Variants in CACNA1D observed in about 807,000 individuals in gnomAD.
The protein encoded by CACNA1D is calcium voltage-gated channel subunit alpha1 D, also known as voltage-dependent L-type calcium channel subunit alpha-1D.
Under a neutral mutation model 257.1 loss-of-function variants are expected in CACNA1D, and 55 were observed. That is an observed-to-expected ratio of 0.21 (90% CI 0.17 to 0.27). The LOEUF (loss-of-function observed/expected upper bound fraction) is 0.27, where lower values mean the gene tolerates loss of function less well. CACNA1D is among the 10% of genes least tolerant of loss of function. CACNA1D has a pLI of 1.00. For missense variants in CACNA1D, 1,876 were observed against 2,784.0 expected, an observed-to-expected ratio of 0.67 and a Z score of 7.34; for synonymous variants, 980 against 1,014.9, an observed-to-expected ratio of 0.97 and a Z score of 0.65.
At chr3:53,705,326 A>C (rs910366395) in intron 9 of CACNA1D, among the ~76,000 whole-genome samples, 1 of 152,172 alleles carries the variant, frequency 6.6e-6, no homozygotes, top group East Asian at 1.9e-4. Context: ...GCGAAGTGAC[A>C]AATATTCAGG....
chr3:53,769,238 G>C (rs2095352848), intron 30 of CACNA1D, among the ~76,000 whole-genome samples: 1 of 152,214 alleles, frequency 6.6e-6, no homozygotes, highest in Non-Finnish European at 1.5e-5. Context: ...CTGGGGCCGA[G>C]GGACAGGAGC....
chr3:53,517,875 A>G (rs312481), intron 3 of CACNA1D, among the ~76,000 whole-genome samples: 124,003 of 152,298 alleles, frequency 0.81, 50,688 homozygotes, highest in African/African-American at 0.86. Flanking sequence ...AACTGCAAAT[A>G]ATTCTTGCCT....
At chr3:53,651,680 A>G (rs987598715) in intron 4 of CACNA1D, among the ~76,000 whole-genome samples, 1 of 152,230 alleles carries the variant, frequency 6.6e-6, no homozygotes, top group Non-Finnish European at 1.5e-5. Flanking sequence ...TTTGGACCAA[A>G]TACCCATGTA....
intron 7 of CACNA1D, among the ~76,000 whole-genome samples, 163 bp downstream of exon 7, chr3:53,666,698 C>T (rs987609169): frequency 3.3e-5 from 5 of 152,150 alleles, no homozygotes; most frequent in Non-Finnish European, 7.3e-5. Flanking sequence ...TCATCCTGCT[C>T]CTCGAGGGCC....
intron 3 of CACNA1D, among the ~76,000 whole-genome samples, chr3:53,547,591 G>A (rs1242057024): frequency 6.6e-6 from 1 of 152,190 alleles, no homozygotes; most frequent in African/African-American, 2.4e-5. Context: ...GTACTTGGTA[G>A]TTGGAGATGA....
chr3:53,726,808 C>T lies in CACNA1D; in HGVS notation c.2101-71C>T, dbSNP rs1203945150. On this transcript the variant is annotated intron_variant, in intron 14 of 47. Coordinates refer to ENST00000350061, the MANE Select transcript of CACNA1D (RefSeq NM_001128840.3). ...AGCTTAAACCAGATCTAGGCAGCCACCGAGGGGCTCTAAGAGAGCGGCTGC... is the reference window on the plus strand; with the variant it reads ...AGCTTAAACCAGATCTAGGCAGCCATCGAGGGGCTCTAAGAGAGCGGCTGC... 9.3e-6 allele frequency: 15 copies of T among 1,610,360 alleles called. No homozygotes were observed. In the East Asian group the frequency reaches 3.3e-4, roughly 36 times the overall value.
chr3:53,801,499 C>A (rs1045465015), intron 42 of CACNA1D, 74 bp downstream of exon 42: 22 of 1,582,454 alleles, frequency 1.4e-5, no homozygotes, highest in Non-Finnish European at 1.7e-5. Context: ...AGGAGCAAGG[C>A]GGGTCTGTGC....
At chr3:53,712,370 G>C (rs139264743) in intron 9 of CACNA1D, among the ~76,000 whole-genome samples, 2 of 152,364 alleles carry the variant, frequency 1.3e-5, no homozygotes, top group African/African-American at 2.4e-5. Context: ...GGCTGCCCCT[G>C]TCCCTGAACA....
chr3:53,612,600 T>C (rs2093595289), intron 3 of CACNA1D, among the ~76,000 whole-genome samples: 1 of 152,240 alleles, frequency 6.6e-6, no homozygotes, highest in Admixed American at 6.5e-5. Context: ...GACTTAGTAT[T>C]CAGCAAAGAC....
At position 53,775,985 on chromosome 3, in the gene CACNA1D, A is replaced by G; in HGVS notation, c.4302A>G (p.Thr1434=). ...ESDYNPGEEY[T]CGSNFAIVYF... ...ATTACAACCCCGGGGAGGAGTATAC[A>G]TGTGGGAGCAACTTTGCCATTGTCT... The change falls in exon 35 of 48, where the codon ACA becomes ACG. Residue 1434 remains threonine (T), a synonymous_variant. Transcript: ENST00000350061. The G allele has an allele frequency of 6.2e-7, 1 of 1,614,118 alleles. No individual in the cohort carries two copies.
rs532231455 is a variant in CACNA1D at position 53,760,827 on chromosome 3, G to T, written c.3787-1171G>T. 2.6e-5 allele frequency among the ~76,000 whole-genome samples: 4 copies of T among 152,290 alleles called. No homozygotes were observed. In the South Asian group the frequency reaches 8.3e-4, roughly 32 times the overall value. ...CAGGGTGCAAGTTGGTGGACAAAGG[G>T]GACATTGCCCATGTCAAGCACTGAC... On this transcript the variant is annotated intron_variant, in intron 29 of 47. Transcript: ENST00000350061.
Position 53,751,803 on chromosome 3 carries a change from A to G in CACNA1D, c.3571A>G (p.Lys1191Glu). ...ACGTCCCTTGCGGAGATACATCCCCAAAAACCCCTACCAGTACAAGTTCTG... is the reference window on the plus strand; with the variant it reads ...ACGTCCCTTGCGGAGATACATCCCCGAAAACCCCTACCAGTACAAGTTCTG... ...KARPLRRYIP[K>E]NPYQYKFWYV... The change falls in exon 28 of 48, where the codon AAA becomes GAA. Residue 1191 changes from lysine to glutamate, a missense_variant. Lys to Glu is a moderately conservative substitution (Grantham distance 56). Transcript: ENST00000350061. This position sits in a 1 kb window ranked among gnomAD's most constrained non-coding sequence, Gnocchi z 4.3. 1.2e-6 allele frequency: 2 copies of G among 1,613,806 alleles called. No individual in the cohort carries two copies. Among genetic ancestry groups the G allele is most frequent in the Non-Finnish European group, 1.7e-6 (2 of 1,179,708 alleles).
At chr3:53,638,003 C>CT (rs1251749364) in intron 3 of CACNA1D, among the ~76,000 whole-genome samples, 1 of 152,192 alleles carries the variant, frequency 6.6e-6, no homozygotes, top group African/African-American at 2.4e-5. Flanking sequence ...CATATATTTA[C>CT]TTAGAAAGGT....
chr3:53,598,263 T>C (rs1279453748), intron 3 of CACNA1D, among the ~76,000 whole-genome samples: 1 of 152,130 alleles, frequency 6.6e-6, no homozygotes, highest in African/African-American at 2.4e-5. Context: ...TTGTGTTCTA[T>C]TGATGAGGGC....
chr3:53,654,850 T>G (rs930189822), intron 4 of CACNA1D, among the ~76,000 whole-genome samples: 4 of 152,002 alleles, frequency 2.6e-5, no homozygotes, highest in African/African-American at 4.8e-5. Flanking sequence ...TTGTAGAGAT[T>G]AAATGGAATT....
intron 8 of CACNA1D, among the ~76,000 whole-genome samples, chr3:53,689,317 C>T (rs1265781873): frequency 1.3e-5 from 2 of 151,300 alleles, no homozygotes; most frequent in African/African-American, 4.9e-5. Flanking sequence ...AGCAGATGTG[C>T]AGTTGGGAAT....
At chr3:53,550,569 C>T (rs935575796) in intron 3 of CACNA1D, among the ~76,000 whole-genome samples, 9 of 152,138 alleles carry the variant, frequency 5.9e-5, no homozygotes, top group Admixed American at 2.0e-4. Flanking sequence ...GAAGATTCTC[C>T]GTGGGTGTGC....
At chr3:53,717,954 G>T (rs1487803038) in intron 9 of CACNA1D, among the ~76,000 whole-genome samples, 2 of 152,154 alleles carry the variant, frequency 1.3e-5, no homozygotes, top group Non-Finnish European at 2.9e-5. Context: ...GTACATTTTG[G>T]TGGCTTCTCA....
intron 4 of CACNA1D, among the ~76,000 whole-genome samples, chr3:53,655,319 C>A (rs528965263): frequency 5.3e-5 from 8 of 152,172 alleles, no homozygotes; most frequent in African/African-American, 1.9e-4. Context: ...TTATTTTTCT[C>A]TGGGTGTGTA....
Sources: gnomAD v4.1 joint callset for allele counts (sites outside exome capture counted in the v4.1 genomes callset) on GRCh38, gnomAD v4.1.1 for gene constraint, Gnocchi (gnomAD v3.1) non-coding constraint, MANE v1.5 for transcripts, NCBI Gene and HGNC (gene_info 2026-07-23, HGNC 2026-07-21) for gene names.